Variants in RBMS3 observed in about 807,000 individuals in gnomAD.
RBMS3 encodes the protein RNA binding motif single stranded interacting protein 3, also known as RNA-binding motif, single-stranded-interacting protein 3.
Under a neutral mutation model 66.8 loss-of-function variants are expected in RBMS3, and 27 were observed. That is an observed-to-expected ratio of 0.40 (90% confidence interval 0.30 to 0.56). The LOEUF is 0.56. Ranked by LOEUF, RBMS3 falls within the 20% of genes least tolerant of loss-of-function variation. The probability of loss-of-function intolerance (pLI) is 0.40; values close to 1 mark genes in which losing one functional copy is unlikely to be tolerated. For missense variants in RBMS3, 513 were observed against 549.5 expected, an observed-to-expected ratio of 0.93 and a Z score of 0.66; for synonymous variants, 188 against 183.0, an observed-to-expected ratio of 1.03 and a Z score of -0.22.
rs140017380 is a variant in RBMS3 at position 29,452,845 on chromosome 3, G to A, written c.248+17930G>A. ...AATAAACAGAATAAGTTAAGGTAAA[G>A]CTGGGTCCTCAACAAGGGTTCTAAG... On this transcript the variant is annotated intron_variant, in intron 2 of 14. Coordinates refer to ENST00000383767, the MANE Select transcript of RBMS3 (RefSeq NM_001003793.3). Among the ~76,000 whole-genome samples, 933 of 152,296 alleles carry A rather than the reference G, an allele frequency of 6.1e-3. 10 individuals are homozygous for A. Among genetic ancestry groups the A allele is most frequent in the African/African-American group, 0.021 (890 of 41,556 alleles).
chr3:29,328,092 G>A (rs1211209616), intron 1 of RBMS3, among the ~76,000 whole-genome samples: 2 of 152,142 alleles, frequency 1.3e-5, no homozygotes, highest in Non-Finnish European at 2.9e-5. Flanking sequence ...ACATCATTAT[G>A]TCTTGCTAAT....
intron 6 of RBMS3, among the ~76,000 whole-genome samples, chr3:29,787,483 T>TGC (rs991401856): frequency 1.3e-5 from 2 of 152,162 alleles, no homozygotes; most frequent in African/African-American, 4.8e-5. Context: ...ATATATACGC[T>TGC]GTGGACTACA....
intron 12 of RBMS3, among the ~76,000 whole-genome samples, chr3:29,945,243 G>A (rs1216160495): frequency 6.6e-6 from 1 of 151,646 alleles, no homozygotes; most frequent in Non-Finnish European, 1.5e-5. Context: ...CTGTCAACCT[G>A]CTGGTGGTTT....
intron 4 of RBMS3, among the ~76,000 whole-genome samples, chr3:29,598,605 C>A (rs2048041964): frequency 6.6e-6 from 1 of 152,012 alleles, no homozygotes; most frequent in South Asian, 2.1e-4. Context: ...TACATATCAA[C>A]CATATCATAT....
intron 4 of RBMS3, among the ~76,000 whole-genome samples, chr3:29,598,101 C>G (rs937864845): frequency 6.6e-6 from 1 of 152,034 alleles, no homozygotes; most frequent in African/African-American, 2.4e-5. Context: ...CGAACACTTA[C>G]CAGTGTATTG....
At chr3:29,668,949 G>T (rs928034791) in intron 4 of RBMS3, among the ~76,000 whole-genome samples, 5 of 152,220 alleles carry the variant, frequency 3.3e-5, no homozygotes, top group African/African-American at 1.2e-4. Context: ...GGATGCCATT[G>T]TACCCCATCA....
intron 1 of RBMS3, among the ~76,000 whole-genome samples, chr3:29,428,573 TA>T (rs36117390): frequency 0.39 from 56,336 of 144,186 alleles, 10,866 homozygotes; most frequent in Admixed American, 0.5. Flanking sequence ...TGCTTTCTGT[TA>T]AAAAAAAAAA....
chr3:29,620,512 G>A (rs1262262599), intron 4 of RBMS3, among the ~76,000 whole-genome samples: 1 of 151,998 alleles, frequency 6.6e-6, no homozygotes, highest in African/African-American at 2.4e-5. Flanking sequence ...CTTATGACAT[G>A]GGTCACTGTT....
At chr3:29,301,684 T>TC (rs2033682589) in intron 1 of RBMS3, among the ~76,000 whole-genome samples, 3 of 152,062 alleles carry the variant, frequency 2.0e-5, no homozygotes, top group Admixed American at 6.6e-5. Context: ...AATGACCGAC[T>TC]GACTGTTTTA....
intron 6 of RBMS3, among the ~76,000 whole-genome samples, chr3:29,770,234 A>G (rs187844028): frequency 1.3e-5 from 2 of 152,070 alleles, no homozygotes; most frequent in Non-Finnish European, 2.9e-5. Context: ...ATAGAAAGAT[A>G]AATGTCTTGA....
intron 10 of RBMS3, among the ~76,000 whole-genome samples, chr3:29,920,383 G>T (rs1442346726): frequency 1.3e-5 from 2 of 152,110 alleles, no homozygotes; most frequent in African/African-American, 4.8e-5. Flanking sequence ...CAATGTAAAG[G>T]TTTAAAAGAA....
rs574551337 is a variant in RBMS3, at chr3:29,755,160, TTAA to T, written c.558-7749_558-7747del. Among the ~76,000 whole-genome samples, 309 of 152,344 alleles carry T rather than the reference TTAA, an allele frequency of 2.0e-3. 2 individuals carry two copies. Among genetic ancestry groups the T allele is most frequent in the Non-Finnish European group, 3.3e-3 (223 of 68,036 alleles). ...TTTCACTTTATCTCAGATTATTTAT[TTAA>T]GTTTAATTTTCTGCCATTTCTTTAT... On this transcript the variant is annotated intron_variant, in intron 5 of 14. Transcript: ENST00000383767.
chr3:29,919,731 G>C (rs2060721196), intron 10 of RBMS3, among the ~76,000 whole-genome samples: 2 of 152,198 alleles, frequency 1.3e-5, no homozygotes, highest in Admixed American at 6.5e-5. Context: ...AGGAATTCTA[G>C]CTGCGGATTC....
At chr3:29,521,949 GTTATTTAA>G (rs1220929434) in intron 3 of RBMS3, among the ~76,000 whole-genome samples, 1 of 152,198 alleles carries the variant, frequency 6.6e-6, no homozygotes, top group African/African-American at 2.4e-5. Context: ...AAGATCATGA[GTTATTTAA>G]TTTGGTTTGG....
chr3:29,495,677 C>A (rs2043721475), intron 3 of RBMS3, among the ~76,000 whole-genome samples: 1 of 152,018 alleles, frequency 6.6e-6, no homozygotes, highest in Non-Finnish European at 1.5e-5. Flanking sequence ...CTCGGCCTCC[C>A]AAAATGCTGG....
chr3:29,986,807 G>A (rs1166550214), intron 12 of RBMS3, among the ~76,000 whole-genome samples: 1 of 152,094 alleles, frequency 6.6e-6, no homozygotes, highest in Non-Finnish European at 1.5e-5. Flanking sequence ...ACCAGGTGTG[G>A]TGGCACACAC....
At chr3:29,661,713 AT>A (rs2050559507) in intron 4 of RBMS3, among the ~76,000 whole-genome samples, 1 of 152,088 alleles carries the variant, frequency 6.6e-6, no homozygotes, top group Non-Finnish European at 1.5e-5. Context: ...GCTTATCTTT[AT>A]TTTTATGGAA....
rs898864456 is a variant in RBMS3 at position 29,654,766 on chromosome 3, T to G, written c.399+67561T>G. Among the ~76,000 whole-genome samples the G allele has an allele frequency of 6.6e-3, 620 of 93,412 alleles. 5 individuals carry two copies. Among genetic ancestry groups the G allele is most frequent in the African/African-American group, 0.023 (556 of 23,992 alleles). The allele number at this position is 93,412 out of a possible 152,430, so 61.3% of individuals were successfully genotyped here. On this transcript the variant is annotated intron_variant, in intron 4 of 14. Transcript: ENST00000383767. The stretch of plus-strand genomic sequence containing the variant: ...CACCATGCCCAGTTAATTTTTGCGT[T>G]TTTTTTTTTTTTGTAGAGACAGAGT...
chr3:29,955,875 T>G (rs144041763), intron 12 of RBMS3, among the ~76,000 whole-genome samples: 147 of 152,204 alleles, frequency 9.7e-4, no homozygotes, highest in African/African-American at 3.5e-3. Context: ...TTAGCCTGTT[T>G]GCTCACTTCA....
Sources: allele counts gnomAD v4.1 joint callset (sites outside exome capture counted in the v4.1 genomes callset), GRCh38; gene constraint gnomAD v4.1.1; transcripts MANE v1.5; gene names NCBI Gene and HGNC (gene_info 2026-07-23, HGNC 2026-07-21).